Variants in ELMOD3 observed in about 807,000 individuals in gnomAD.
ELMOD3 encodes ELMO domain containing 3.
A neutral mutation model predicts 47.4 loss-of-function variants in ELMOD3; 36 were observed. The ratio of observed to expected loss-of-function variants is 0.76; its 90% CI spans 0.58 to 1.00. The LOEUF is 1.00. Ranked by LOEUF, ELMOD3 falls within the 50% of genes least tolerant of loss-of-function variation. The pLI is 0.00. For missense variants in ELMOD3, 404 were observed against 463.8 expected (o/e 0.87, Z 1.18); for synonymous variants, 149 against 183.5 (o/e 0.81, Z 1.52).
chr2:85,382,106 G>C (rs1338362660), intron 11 of ELMOD3, among the ~76,000 whole-genome samples: 1 of 86,284 alleles, frequency 1.2e-5, no homozygotes, highest in Non-Finnish European at 2.1e-5. Context: ...GACAAAGCAA[G>C]ACTCCTTCTC....
chr2:85,376,385 A>C lies in ELMOD3; in HGVS notation c.608-959A>C, dbSNP rs1685169141. Among the ~76,000 whole-genome samples the C allele has an allele frequency of 6.6e-6, 1 of 152,188 alleles. No individual in the cohort carries two copies. Among genetic ancestry groups the C allele is most frequent in the African/African-American group, 2.4e-5 (1 of 41,460 alleles). ...GGAGGGACGTCACCATGTTACTGCC[A>C]GGTGGGGGTGGAAGTCCGGGTATCC... On this transcript the variant is annotated intron_variant, in intron 10 of 13. Transcript: ENST00000409013. This position sits in a 1 kb window ranked among gnomAD's most constrained non-coding sequence, Gnocchi z 4.2.
chr2:85,366,294 A>G (rs1206014122), intron 6 of ELMOD3, among the ~76,000 whole-genome samples: 1 of 151,952 alleles, frequency 6.6e-6, no homozygotes, highest in Non-Finnish European at 1.5e-5. Flanking sequence ...TTGTTCAGCC[A>G]CTTTGTCCCT....
intron 6 of ELMOD3, chr2:85,367,662 C>T (rs1255349395): frequency 6.6e-6 from 1 of 152,148 alleles, no homozygotes; most frequent in African/African-American, 2.4e-5. Flanking sequence ...TCTCCACTCC[C>T]ACTGCTTCAC....
chr2:85,360,824 C>A, intron 4 of ELMOD3: 2 of 273,576 alleles, frequency 7.3e-6, no homozygotes, highest in South Asian at 4.4e-5. Context: ...AATTCTTTCA[C>A]TGGTAGAATT....
At chr2:85,373,355 A>G (rs532121129) in intron 10 of ELMOD3, among the ~76,000 whole-genome samples, 21 of 152,294 alleles carry the variant, frequency 1.4e-4, no homozygotes, top group African/African-American at 5.1e-4. Flanking sequence ...TCTCTCATCT[A>G]TCATGTAATT....
intron 6 of ELMOD3, among the ~76,000 whole-genome samples, chr2:85,366,643 G>A (rs563812160): frequency 6.6e-5 from 10 of 152,230 alleles, no homozygotes; most frequent in Non-Finnish European, 1.5e-4. Flanking sequence ...AAGACATACA[G>A]CTAGTAAGAG....
intron 6 of ELMOD3, among the ~76,000 whole-genome samples, chr2:85,365,237 A>G (rs1684296082): frequency 6.6e-6 from 1 of 151,618 alleles, no homozygotes; most frequent in African/African-American, 2.4e-5. Flanking sequence ...GTTCTCTACC[A>G]AAAATACAAA....
chr2:85,371,484 A>G lies in ELMOD3; in HGVS notation c.529A>G (p.Thr177Ala). 1 of 1,614,198 alleles carries G rather than the reference A, an allele frequency of 6.2e-7. No homozygotes were observed. The highest frequency in any genetic ancestry group is 8.5e-7 in the Non-Finnish European group (1 of 1,180,038). ...QDPVHGRVLQ[T>A]IYKKLTGSKF... ...CCCAGTGCATGGCCGAGTCCTCCAGACCATCTATAAGAAGCTGACCGGCTC... is the reference window on the plus strand; with the variant it reads ...CCCAGTGCATGGCCGAGTCCTCCAGGCCATCTATAAGAAGCTGACCGGCTC... The change falls in exon 10 of 14, where the codon ACC (threonine) becomes GCC (alanine). Residue 177 changes from threonine (T) to alanine (A), a missense_variant. Thr to Ala is a moderately conservative substitution (Grantham distance 58, BLOSUM62 0). Coordinates refer to ENST00000409013, the MANE Select transcript of ELMOD3 (RefSeq NM_001135022.2).
intron 11 of ELMOD3, among the ~76,000 whole-genome samples, chr2:85,378,364 G>GAC (rs1420395733): frequency 1.3e-5 from 2 of 152,194 alleles, no homozygotes; most frequent in East Asian, 3.8e-4. Flanking sequence ...ACATGCCCGT[G>GAC]ACACAGCCTC....
chr2:85,385,162 G>GGGAT (rs1685840493), intron 11 of ELMOD3, among the ~76,000 whole-genome samples: 1 of 152,168 alleles, frequency 6.6e-6, no homozygotes, highest in Non-Finnish European at 1.5e-5. Context: ...ACCAGGCAGA[G>GGGAT]GGATTAGCTA....
chr2:85,366,361 A>G (rs1409937564), intron 6 of ELMOD3, among the ~76,000 whole-genome samples: 1 of 152,080 alleles, frequency 6.6e-6, no homozygotes, highest in Admixed American at 6.6e-5. Flanking sequence ...CCAAGGTTGA[A>G]TATTCTCTTA....
At chr2:85,383,525 C>T (rs1685731343) in intron 11 of ELMOD3, among the ~76,000 whole-genome samples, 1 of 152,122 alleles carries the variant, frequency 6.6e-6, no homozygotes, top group Non-Finnish European at 1.5e-5. Context: ...AGAGAAGCTA[C>T]TGGTCTCAGG....
Position 85,377,340 on chromosome 2 carries a change from A to T in ELMOD3, c.608-4A>T. 1 of 1,593,616 alleles carries T rather than the reference A, an allele frequency of 6.3e-7. No individual in the cohort carries two copies. Among genetic ancestry groups the T allele is most frequent in the Non-Finnish European group, 8.5e-7 (1 of 1,170,606 alleles). ...ACCCTGTTTCCTCACGGTCTCTGTT[A>T]CAGGAGCGAATCCAGCCACAGACCT... is the stretch of plus-strand genomic sequence containing the variant. On this transcript the variant is annotated splice_region_variant and splice_polypyrimidine_tract_variant and intron_variant, in intron 10 of 13. Transcript: ENST00000409013.
rs565687440 is a variant in ELMOD3 at position 85,369,909 on chromosome 2, G to A, written c.360+79G>A. 7 of 1,539,052 alleles carry A rather than the reference G, an allele frequency of 4.5e-6. No homozygotes were observed. In the East Asian group the frequency reaches 1.6e-4, roughly 35 times the overall value. ...CCAAGCCTCTATCCCACCAGGACAG[G>A]GCATTGGGCAAGCAAATCTCCCCTA... is the stretch of plus-strand genomic sequence containing the variant. On this transcript the variant is annotated intron_variant, in intron 8 of 13. Transcript: ENST00000409013.
chr2:85,366,124 A>ATTTTTTTTTT (rs566714087), intron 6 of ELMOD3, among the ~76,000 whole-genome samples: 2 of 135,610 alleles, frequency 1.5e-5, no homozygotes, highest in African/African-American at 2.7e-5. Context: ...TACCCAGCTA[A>ATTTTTTTTTT]TTTTTTTTTT....
intron 4 of ELMOD3, among the ~76,000 whole-genome samples, chr2:85,361,804 G>A (rs1438692004): frequency 5.3e-5 from 8 of 152,078 alleles, no homozygotes; most frequent in South Asian, 4.2e-4. Context: ...GGTGGCAGGC[G>A]CCTGTAGTCC....
chr2:85,390,910 C>A lies in ELMOD3; in HGVS notation c.1094C>A (p.Thr365Lys). ...CCTCCCTTCAAGGATCTCACCTTCACAGGTGAGAGTGACCTGCAGTCTCAC... is the reference window on the plus strand; with the variant it reads ...CCTCCCTTCAAGGATCTCACCTTCAAAGGTGAGAGTGACCTGCAGTCTCAC... Reference protein sequence around the residue: ...EAPPFKDLTFTGESDLQSHSS... With the variant: ...EAPPFKDLTFKGESDLQSHSS... Residue 365 changes from threonine (T) to lysine (K), a missense_variant, in exon 14 of 14, where the codon ACA becomes AAA. Coordinates refer to ENST00000409013, the MANE Select transcript of ELMOD3 (RefSeq NM_001135022.2). 3.2e-6 allele frequency: 5 copies of A among 1,551,710 alleles called. No individual in the cohort carries two copies. The highest frequency in any genetic ancestry group is 4.4e-6 in the Non-Finnish European group (5 of 1,146,980).
Position 85,363,108 on chromosome 2 carries a change from G to A in ELMOD3, c.141G>A (p.Leu47=), listed in dbSNP as rs1236839458. The A allele has an allele frequency of 6.2e-7, 1 of 1,610,886 alleles. No individual in the cohort carries two copies. The highest frequency in any genetic ancestry group is 8.5e-7 in the Non-Finnish European group (1 of 1,177,256). Residue 47 remains leucine, a synonymous_variant, in exon 6 of 14, where the codon TTG becomes TTA. Coordinates refer to ENST00000409013, the MANE Select transcript of ELMOD3 (RefSeq NM_001135022.2). ...LAFRGIPISE[L]KNHGILQALT... ...AGCTGCCTCTACAGATCTCAGAGTT[G>A]AAGAACCATGGCATTCTCCAGGCTC... is the stretch of plus-strand genomic sequence containing the variant.
At chr2:85,372,439 A>G (rs1359742787) in intron 10 of ELMOD3, 3 of 152,198 alleles carry the variant, frequency 2.0e-5, no homozygotes, top group Non-Finnish European at 4.4e-5. Context: ...ACTGTAAGTG[A>G]TATGGAAAAC....
Sources: allele counts gnomAD v4.1 joint callset (sites outside exome capture counted in the v4.1 genomes callset), GRCh38; gene constraint gnomAD v4.1.1; non-coding constraint Gnocchi (gnomAD v3.1); transcripts MANE v1.5; gene names NCBI Gene and HGNC (gene_info 2026-07-23, HGNC 2026-07-21).